MECOM: variants seen among roughly 807,000 people sequenced by gnomAD.
MECOM encodes histone-lysine N-methyltransferase MECOM.
MECOM carries 13 observed loss-of-function variants against 116.3 expected under a neutral mutation model. The ratio of observed to expected loss-of-function variants is 0.11; its 90% CI spans 0.07 to 0.18. The LOEUF is 0.18. MECOM is among the 10% of genes least tolerant of loss of function. The pLI, the probability that MECOM is intolerant of heterozygous loss-of-function variation, is 1.00. For missense variants in MECOM, 1,299 were observed against 1,509.0 expected (o/e 0.86, Z 2.31); for synonymous variants, 528 against 535.2 (o/e 0.99, Z 0.19).
chr3:169,456,148 T>G (rs1440018434), intron 1 of MECOM, among the ~76,000 whole-genome samples: 5 of 152,096 alleles, frequency 3.3e-5, no homozygotes, highest in African/African-American at 1.2e-4. Context: ...AAAAAAAAAT[T>G]CTAGAGCCCT....
At chr3:169,503,090 C>T (rs555436520) in intron 1 of MECOM, among the ~76,000 whole-genome samples, 1 of 152,308 alleles carries the variant, frequency 6.6e-6, no homozygotes, top group East Asian at 1.9e-4. Context: ...CTCACAACAG[C>T]TTTGCAGAGT....
chr3:169,263,094 TATATATATATATATATATATATATATA>T (rs1560060762), intron 2 of MECOM, among the ~76,000 whole-genome samples: 1 of 61,454 alleles, frequency 1.6e-5, no homozygotes, highest in African/African-American at 1.2e-4. Context: ...TATATATATA[TATATATATATATATATATATATATATA>T]TATATATGTT....
chr3:169,380,996 C>T (rs1340708774), intron 2 of MECOM, among the ~76,000 whole-genome samples, 191 bp downstream of exon 2: 1 of 152,084 alleles, frequency 6.6e-6, no homozygotes, highest in Admixed American at 6.6e-5. Flanking sequence ...TGGGTTCCCT[C>T]CTATCACGCT....
chr3:169,368,909 G>A (rs1292966115), intron 2 of MECOM, among the ~76,000 whole-genome samples: 1 of 152,000 alleles, frequency 6.6e-6, no homozygotes. Context: ...TTTGTTTTGG[G>A]ATAAACAATT....
chr3:169,345,007 T>G (rs1463261272), intron 2 of MECOM, among the ~76,000 whole-genome samples: 1 of 152,192 alleles, frequency 6.6e-6, no homozygotes, highest in Non-Finnish European at 1.5e-5. Context: ...TCCCTGCTAC[T>G]ACTGCTGCAC....
intron 1 of MECOM, among the ~76,000 whole-genome samples, chr3:169,482,521 A>G (rs1751478272): frequency 6.6e-6 from 1 of 152,032 alleles, no homozygotes; most frequent in African/African-American, 2.4e-5. Context: ...TATTTAGTAG[A>G]GACGGGGTGT....
At chr3:169,449,202 T>A (rs1745139847) in intron 1 of MECOM, among the ~76,000 whole-genome samples, 2 of 152,136 alleles carry the variant, frequency 1.3e-5, no homozygotes, top group Non-Finnish European at 2.9e-5. Context: ...AGCCTTAAGG[T>A]CTTAAGGTAC....
At chr3:169,556,807 C>T (rs139984042) in intron 1 of MECOM, among the ~76,000 whole-genome samples, 11 of 152,310 alleles carry the variant, frequency 7.2e-5, no homozygotes, top group Non-Finnish European at 1.3e-4. Context: ...CCAGCCTTCA[C>T]ATGACGGTAG....
chr3:169,343,246 A>G (rs564482955), intron 2 of MECOM, among the ~76,000 whole-genome samples: 2 of 152,298 alleles, frequency 1.3e-5, no homozygotes, highest in Middle Eastern at 6.8e-3. Context: ...ATCTCTTGAG[A>G]AGACACTAAC....
chr3:169,626,969 A>G (rs1228602409), intron 1 of MECOM, among the ~76,000 whole-genome samples: 1 of 152,140 alleles, frequency 6.6e-6, no homozygotes, highest in African/African-American at 2.4e-5. Flanking sequence ...ACACATAACA[A>G]TGCTATATGA....
intron 2 of MECOM, among the ~76,000 whole-genome samples, chr3:169,340,260 G>A (rs964877963): frequency 6.6e-6 from 1 of 152,128 alleles, no homozygotes; most frequent in Non-Finnish European, 1.5e-5. Flanking sequence ...AAATAACCAT[G>A]ACATCATAGG....
chr3:169,550,557 A>G (rs991730205), intron 1 of MECOM, among the ~76,000 whole-genome samples: 2 of 152,266 alleles, frequency 1.3e-5, no homozygotes, highest in Non-Finnish European at 1.5e-5. Flanking sequence ...AGTGTTCTAC[A>G]TAAGAAAGCA....
At chr3:169,375,010 T>C (rs1402655737) in intron 2 of MECOM, among the ~76,000 whole-genome samples, 1 of 151,714 alleles carries the variant, frequency 6.6e-6, no homozygotes, top group African/African-American at 2.4e-5. Context: ...CTGGGTGACA[T>C]AGACAAAGGG....
intron 2 of MECOM, among the ~76,000 whole-genome samples, chr3:169,191,967 G>A (rs1747763738): frequency 6.6e-6 from 1 of 151,978 alleles, no homozygotes; most frequent in Non-Finnish European, 1.5e-5. Context: ...GAATAGAGTG[G>A]GTGGAGTAAG....
rs544853505 is a variant in MECOM, at chr3:169,456,507, C to T, written c.38-74983G>A. 2.0e-5 allele frequency among the ~76,000 whole-genome samples: 3 copies of T among 152,220 alleles called. No individual in the cohort carries two copies. The South Asian group carries it at 6.2e-4, about 32-fold the overall frequency. Reference sequence around the variant, plus strand: ...TAAACAACAATAATATGGTAAATGGCTGAAAAGTTACTCTTGCCATGAGAA... The same window carrying T: ...TAAACAACAATAATATGGTAAATGGTTGAAAAGTTACTCTTGCCATGAGAA... On this transcript the variant is annotated intron_variant, in intron 1 of 16. Coordinates refer to ENST00000651503, the MANE Select transcript of MECOM (RefSeq NM_004991.4).
intron 2 of MECOM, among the ~76,000 whole-genome samples, chr3:169,346,744 A>C (rs879940488): frequency 6.6e-6 from 1 of 152,050 alleles, no homozygotes; most frequent in Non-Finnish European, 1.5e-5. Context: ...ACTTAGTTAC[A>C]CACCATGCTG....
At chr3:169,324,980 C>A (rs907977744) in intron 2 of MECOM, among the ~76,000 whole-genome samples, 1 of 152,128 alleles carries the variant, frequency 6.6e-6, no homozygotes, top group Non-Finnish European at 1.5e-5. Flanking sequence ...ACAGTAACAG[C>A]TCTTCACACT....
intron 2 of MECOM, among the ~76,000 whole-genome samples, chr3:169,177,919 C>CA (rs11297845): frequency 0.088 from 11,480 of 130,598 alleles, 612 homozygotes; most frequent in East Asian, 0.3. Flanking sequence ...GACTTGGTCT[C>CA]AAAAAAAAAA....
At chr3:169,568,737 A>G (rs1763539975) in intron 1 of MECOM, among the ~76,000 whole-genome samples, 1 of 152,222 alleles carries the variant, frequency 6.6e-6, no homozygotes, top group African/African-American at 2.4e-5. Context: ...TTATAGTTCA[A>G]CTAAGCTTCA....
Sources: gnomAD v4.1 joint callset for allele counts (sites outside exome capture counted in the v4.1 genomes callset) on GRCh38, gnomAD v4.1.1 for gene constraint, MANE v1.5 for transcripts, NCBI Gene and HGNC (gene_info 2026-07-23, HGNC 2026-07-21) for gene names.